Variants in RREB1 observed in about 807,000 individuals in gnomAD.
The protein encoded by RREB1 is ras responsive element binding protein 1, also known as ras-responsive element-binding protein 1.
Under a neutral mutation model 117.8 loss-of-function variants are expected in RREB1, and 27 were observed. The ratio of observed to expected loss-of-function variants is 0.23; its 90% CI spans 0.17 to 0.32. RREB1 has a LOEUF of 0.32. Ranked by LOEUF, RREB1 falls within the 10% of genes least tolerant of loss-of-function variation. RREB1 has a pLI of 1.00. For missense variants in RREB1, 2,577 were observed against 2,378.2 expected, an observed-to-expected ratio of 1.08 and a Z score of -1.74; for synonymous variants, 1,298 against 1,026.7, an observed-to-expected ratio of 1.26 and a Z score of -5.05.
intron 1 of RREB1, among the ~76,000 whole-genome samples, chr6:7,146,119 A>G (rs1762845724): frequency 6.6e-6 from 1 of 151,792 alleles, no homozygotes; most frequent in Admixed American, 6.6e-5. Flanking sequence ...ACACAGATAC[A>G]CACACACACT....
In RREB1 at chr6:7,231,231, A is replaced by C. The variant is rs766076243; in HGVS notation, c.3132A>C (p.Pro1044=). 1 of 1,612,436 alleles carries C rather than the reference A, an allele frequency of 6.2e-7. No individual in the cohort carries two copies. The highest frequency in any genetic ancestry group is 1.3e-5 in the African/African-American group (1 of 74,934). Residue 1044 remains proline (P), a synonymous_variant, in exon 10 of 13, where the codon CCA becomes CCC. Transcript: ENST00000379938. ...ALLSGTALLR[P]LRPKPPLLLP... is the part of the protein sequence containing the mutation. Reference sequence around the variant, plus strand: ...TGAGTGGCACAGCCTTGCTGCGTCCACTGCGGCCCAAGCCCCCGCTGCTTT... The same window carrying C: ...TGAGTGGCACAGCCTTGCTGCGTCCCCTGCGGCCCAAGCCCCCGCTGCTTT...
At chr6:7,203,686 C>G (rs1363865421) in intron 6 of RREB1, among the ~76,000 whole-genome samples, 1 of 152,218 alleles carries the variant, frequency 6.6e-6, no homozygotes, top group Non-Finnish European at 1.5e-5. Flanking sequence ...TCCTTAACTT[C>G]TGATAAAATT....
chr6:7,141,966 A>G, intron 1 of RREB1, among the ~76,000 whole-genome samples: 1 of 152,196 alleles, frequency 6.6e-6, no homozygotes. Flanking sequence ...AATTCCAGCA[A>G]TTTGGGAGGC....
intron 10 of RREB1, among the ~76,000 whole-genome samples, chr6:7,236,646 G>C (rs1581584635): frequency 6.6e-6 from 1 of 151,978 alleles, no homozygotes; most frequent in Non-Finnish European, 1.5e-5. Flanking sequence ...AAAAAGAAAA[G>C]CAACTGCAAG....
At position 7,231,095 on chromosome 6, in the gene RREB1, C is replaced by T. The variant is rs760939270; in HGVS notation, c.2996C>T (p.Ala999Val). The change falls in exon 10 of 13, where the codon GCC becomes GTC. Residue 999 changes from alanine to valine, a missense_variant. Coordinates refer to ENST00000379938, the MANE Select transcript of RREB1 (RefSeq NM_001003699.4). ...LESPMAPAPA[A>V]TPEPPAQPLQ... ...AGCCCCATGGCCCCTGCTCCGGCGGCCACCCCGGAACCCCCAGCACAGCCC... is the reference window on the plus strand; with the variant it reads ...AGCCCCATGGCCCCTGCTCCGGCGGTCACCCCGGAACCCCCAGCACAGCCC... The T allele has an allele frequency of 3.0e-5, 49 of 1,612,982 alleles. No individual in the cohort carries two copies. Among genetic ancestry groups the T allele is most frequent in the East Asian group, 4.5e-5 (2 of 44,868 alleles).
In RREB1 at chr6:7,247,124, G is replaced by T; in HGVS notation, c.4674G>T (p.Val1558=). Residue 1558 remains valine, a synonymous_variant, in exon 12 of 13, where the codon GTG becomes GTT. Coordinates refer to ENST00000379938, the MANE Select transcript of RREB1 (RefSeq NM_001003699.4). ...KKPKTDSPKS[V]ASKADKRKKV... ...CAAAGACAGACTCCCCCAAAAGCGT[G>T]GCCAGCAAGGCAGACAAGAGGAAGA... 1 of 1,613,918 alleles carries T rather than the reference G, an allele frequency of 6.2e-7. No homozygotes were observed. Among genetic ancestry groups the T allele is most frequent in the Middle Eastern group, 1.6e-4 (1 of 6,062 alleles).
In RREB1 at chr6:7,187,351, G is replaced by C. The variant is rs1409965601; in HGVS notation, c.172-83G>C. 7.3e-6 allele frequency: 6 copies of C among 822,900 alleles called. No individual in the cohort carries two copies. In the Admixed American group the frequency reaches 1.2e-4, roughly 16 times the overall value. The allele number at this position is 822,900 out of a possible 1,614,324, so 51.0% of individuals were successfully genotyped here. A position where few individuals can be genotyped will look rare whatever the true frequency, so the allele number is the denominator to read the frequency against. On this transcript the variant is annotated intron_variant, in intron 4 of 12. Transcript: ENST00000379938. ...TGCTCTCAGCTACATAGACACAAGT[G>C]CTTATTACACTTATTACAGAAAGAA...
At chr6:7,138,940 CTTAT>C (rs1762452415) in intron 1 of RREB1, among the ~76,000 whole-genome samples, 8 of 151,990 alleles carry the variant, frequency 5.3e-5, no homozygotes, top group Non-Finnish European at 8.8e-5. Context: ...AGTAGGTAGC[CTTAT>C]TTGACTCTAA....
intron 1 of RREB1, among the ~76,000 whole-genome samples, chr6:7,132,801 G>A (rs538867985): frequency 3.8e-4 from 55 of 144,356 alleles, no homozygotes; most frequent in African/African-American, 1.3e-3. Flanking sequence ...CCCGTGTCTG[G>A]TATACAATGT....
intron 6 of RREB1, among the ~76,000 whole-genome samples, chr6:7,208,009 G>A (rs1766372618): frequency 1.3e-5 from 2 of 152,186 alleles, no homozygotes; most frequent in Admixed American, 1.3e-4. Flanking sequence ...GCTGTGGAGA[G>A]GGACTTTCTA....
intron 11 of RREB1, among the ~76,000 whole-genome samples, chr6:7,241,434 T>C (rs932244991): frequency 6.6e-6 from 1 of 152,130 alleles, no homozygotes; most frequent in Non-Finnish European, 1.5e-5. Context: ...AGGGACAGCA[T>C]CATGGTGCTG....
chr6:7,176,292 C>G (rs943882660), intron 1 of RREB1, among the ~76,000 whole-genome samples: 2 of 152,190 alleles, frequency 1.3e-5, no homozygotes, highest in African/African-American at 4.8e-5. Flanking sequence ...TTGCTTTTCT[C>G]TTGTTAAACT....
rs2113553815 is a variant in RREB1, at chr6:7,189,114, T to G, written c.262-45T>G. On this transcript the variant is annotated intron_variant, in intron 5 of 12. Transcript: ENST00000379938. ...CTGCATTTCCTAAGAGCTGAGCTTC[T>G]GATGCACTTTCTTAAGTGACCGCTG... 3 of 1,558,498 alleles carry G rather than the reference T, an allele frequency of 1.9e-6. No homozygotes were observed. The South Asian group carries it at 3.5e-5, about 18-fold the overall frequency.
At chr6:7,239,384 G>T (rs781294083) in intron 10 of RREB1, among the ~76,000 whole-genome samples, 3 of 152,170 alleles carry the variant, frequency 2.0e-5, no homozygotes, top group Middle Eastern at 3.2e-3. Context: ...GCCTCCTGAA[G>T]GCCCCTGATC....
At chr6:7,226,326 C>T in intron 8 of RREB1, 141 bp from the exon 9 acceptor site, 1 of 630,950 alleles carries the variant, frequency 1.6e-6, no homozygotes, top group Non-Finnish European at 2.6e-6. Context: ...AGCCTGGCTT[C>T]TTGACATCAT....
chr6:7,180,809 A>C (rs1403288387), intron 2 of RREB1, among the ~76,000 whole-genome samples: 1 of 152,244 alleles, frequency 6.6e-6, no homozygotes, highest in Non-Finnish European at 1.5e-5. Context: ...GCATCCTTGC[A>C]AGGGACTGAG....
intron 1 of RREB1, among the ~76,000 whole-genome samples, chr6:7,156,565 A>G (rs1247651828): frequency 6.6e-6 from 1 of 152,212 alleles, no homozygotes; most frequent in Non-Finnish European, 1.5e-5. Context: ...CCTGAAAAAA[A>G]TGTGAAAGCC....
At chr6:7,180,659 T>G (rs930359723) in intron 2 of RREB1, among the ~76,000 whole-genome samples, 2 of 152,222 alleles carry the variant, frequency 1.3e-5, no homozygotes, top group Non-Finnish European at 2.9e-5. Flanking sequence ...AGTTTTCCCT[T>G]TGGTCATTCT....
At position 7,178,905 on chromosome 6, in the gene RREB1, G is replaced by A. The variant is rs576574253; in HGVS notation, c.-166+2132G>A. 5.3e-5 allele frequency among the ~76,000 whole-genome samples: 8 copies of A among 152,254 alleles called. No individual in the cohort carries two copies. In the East Asian group the frequency reaches 1.4e-3, roughly 26 times the overall value. ...TCCAGACAAAATGGCAAACAACAAGGCTTTTCTCCTTTTCAAGTGGGATAA... is the reference window on the plus strand; with the variant it reads ...TCCAGACAAAATGGCAAACAACAAGACTTTTCTCCTTTTCAAGTGGGATAA... On this transcript the variant is annotated intron_variant, in intron 2 of 12. Coordinates refer to ENST00000379938, the MANE Select transcript of RREB1 (RefSeq NM_001003699.4).
Sources: allele counts gnomAD v4.1 joint callset (sites outside exome capture counted in the v4.1 genomes callset), GRCh38; gene constraint gnomAD v4.1.1; transcripts MANE v1.5; gene names NCBI Gene and HGNC (gene_info 2026-07-23, HGNC 2026-07-21).